EGFLAM: variants seen among roughly 807,000 people sequenced by gnomAD.
The protein encoded by EGFLAM is EGF like, fibronectin type III and laminin G domains, also known as pikachurin.
Under a neutral mutation model 113.1 loss-of-function variants are expected in EGFLAM, and 79 were observed. The observed-to-expected ratio is 0.70, with a 90% CI of 0.58 to 0.84. The LOEUF (loss-of-function observed/expected upper bound fraction) is 0.84, where lower values mean the gene tolerates loss of function less well. Ranked by LOEUF, EGFLAM falls within the 40% of genes least tolerant of loss-of-function variation. The pLI, the probability that EGFLAM is intolerant of heterozygous loss-of-function variation, is 0.00. For missense variants in EGFLAM, 1,265 were observed against 1,291.6 expected (o/e 0.98, Z 0.32); for synonymous variants, 504 against 487.6 (o/e 1.03, Z -0.44).
chr5:38,407,782 G>A (rs1181098375), intron 8 of EGFLAM, 23 bp from the exon 9 acceptor site: 2 of 1,558,212 alleles, frequency 1.3e-6, no homozygotes, highest in Non-Finnish European at 1.8e-6. Flanking sequence ...GCATTCTTTT[G>A]TGTTGTCTTT....
At position 38,418,081 on chromosome 5, in the gene EGFLAM, A is replaced by C. The variant is rs1322896023; in HGVS notation, c.1510A>C (p.Ile504Leu). 1 of 1,613,684 alleles carries C rather than the reference A, an allele frequency of 6.2e-7. No individual in the cohort carries two copies. The highest frequency in any genetic ancestry group is 8.5e-7 in the Non-Finnish European group (1 of 1,179,870). ...TGQSQGQYSKITFRTPLYLGG... is the reference protein window; with the variant it reads ...TGQSQGQYSKLTFRTPLYLGG... ...TTTCTTAAAGGGCCAATACAGTAAA[A>C]TTACTTTCCGGACACCTCTCTATCT... Residue 504 changes from isoleucine to leucine, a missense_variant, in exon 12 of 22, where the codon ATT becomes CTT. Coordinates refer to ENST00000322350, the MANE Select transcript of EGFLAM (RefSeq NM_152403.4).
chr5:38,276,128 C>T (rs975132523), intron 1 of EGFLAM, among the ~76,000 whole-genome samples: 9 of 152,122 alleles, frequency 5.9e-5, no homozygotes, highest in African/African-American at 2.2e-4. Flanking sequence ...AGGAGCAAGT[C>T]ATGTATTATA....
chr5:38,363,098 G>A (rs924040686), intron 5 of EGFLAM, among the ~76,000 whole-genome samples: 2 of 152,108 alleles, frequency 1.3e-5, no homozygotes, highest in African/African-American at 4.8e-5. Flanking sequence ...GAAAGCTGAA[G>A]GTCAAATACT....
intron 6 of EGFLAM, among the ~76,000 whole-genome samples, chr5:38,396,083 T>G (rs1285873275): frequency 6.6e-6 from 1 of 151,858 alleles, no homozygotes; most frequent in Non-Finnish European, 1.5e-5. Flanking sequence ...CTATTCATTC[T>G]TCAACCCATC....
intron 6 of EGFLAM, among the ~76,000 whole-genome samples, chr5:38,385,863 G>C (rs907251316): frequency 2.0e-5 from 3 of 152,196 alleles, no homozygotes; most frequent in African/African-American, 7.2e-5. Flanking sequence ...TGATTTCCTT[G>C]TTGTGCGAAC....
At chr5:38,268,073 C>T (rs185581863) in intron 1 of EGFLAM, among the ~76,000 whole-genome samples, 1 of 152,250 alleles carries the variant, frequency 6.6e-6, no homozygotes, top group East Asian at 1.9e-4. Flanking sequence ...GACTCATTTG[C>T]CTGGCCCCAC....
chr5:38,309,148 C>A (rs1758800982), intron 1 of EGFLAM, among the ~76,000 whole-genome samples: 2 of 152,160 alleles, frequency 1.3e-5, no homozygotes, highest in African/African-American at 4.8e-5. Flanking sequence ...TTTGTGTTGT[C>A]TGTATTCTTG....
Position 38,336,442 on chromosome 5 carries a change from C to T in EGFLAM, c.98-1078C>T, listed in dbSNP as rs532046507. On this transcript the variant is annotated intron_variant, in intron 1 of 21. Coordinates refer to ENST00000322350, the MANE Select transcript of EGFLAM (RefSeq NM_152403.4). ...ACAAAAGATTAGCCGGGCATGGTGGCGAGCTCCTGTAGTCCCAGCTACTCC... is the reference window on the plus strand; with the variant it reads ...ACAAAAGATTAGCCGGGCATGGTGGTGAGCTCCTGTAGTCCCAGCTACTCC... 5.3e-5 allele frequency among the ~76,000 whole-genome samples: 8 copies of T among 152,112 alleles called. No homozygotes were observed. The South Asian group carries it at 8.3e-4, about 16-fold the overall frequency.
At chr5:38,451,811 A>G (rs1281233686) in intron 19 of EGFLAM, among the ~76,000 whole-genome samples, 1 of 151,912 alleles carries the variant, frequency 6.6e-6, no homozygotes, top group Non-Finnish European at 1.5e-5. Flanking sequence ...AGCAACATGG[A>G]GAAACCCCAT....
intron 10 of EGFLAM, among the ~76,000 whole-genome samples, chr5:38,411,279 T>G (rs1357910157): frequency 5.9e-5 from 9 of 151,614 alleles, no homozygotes; most frequent in Non-Finnish European, 1.3e-4. Context: ...AATACAAAAA[T>G]TAGCCGGGTG....
chr5:38,317,132 C>G (rs1463313656), intron 1 of EGFLAM, among the ~76,000 whole-genome samples: 2 of 152,018 alleles, frequency 1.3e-5, no homozygotes, highest in African/African-American at 4.8e-5. Context: ...TTGAACATGT[C>G]AAAAAAATAT....
At chr5:38,442,514 C>T (rs1742580632) in intron 17 of EGFLAM, among the ~76,000 whole-genome samples, 1 of 151,232 alleles carries the variant, frequency 6.6e-6, no homozygotes, top group African/African-American at 2.4e-5. Flanking sequence ...ATTATTGTTA[C>T]ACAAGTAATT....
chr5:38,263,577 C>T (rs1561253811), intron 1 of EGFLAM, among the ~76,000 whole-genome samples: 1 of 152,020 alleles, frequency 6.6e-6, no homozygotes, highest in Non-Finnish European at 1.5e-5. Flanking sequence ...TAAATCTCGG[C>T]TTCTAGTATG....
At chr5:38,330,836 T>G (rs867403121) in intron 1 of EGFLAM, among the ~76,000 whole-genome samples, 7 of 152,210 alleles carry the variant, frequency 4.6e-5, no homozygotes, top group Admixed American at 6.5e-5. Context: ...AAGACTATGT[T>G]AGAATAGGCC....
intron 3 of EGFLAM, among the ~76,000 whole-genome samples, chr5:38,340,846 T>TCCCCCCAAACACACACACACACA (rs1554048538): frequency 2.3e-5 from 1 of 44,174 alleles, no homozygotes; most frequent in Non-Finnish European, 3.9e-5. Context: ...TGTGTGTGTT[T>TCCCCCCAAACACACACACACACA]GGGGGGGTGG....
chr5:38,455,462 TAG>T (rs1743056819), intron 19 of EGFLAM, among the ~76,000 whole-genome samples: 1 of 151,604 alleles, frequency 6.6e-6, no homozygotes, highest in Non-Finnish European at 1.5e-5. Context: ...TTGATACATT[TAG>T]AATATGTAAA....
chr5:38,411,956 T>A (rs1164680574), intron 10 of EGFLAM, among the ~76,000 whole-genome samples: 1 of 152,028 alleles, frequency 6.6e-6, no homozygotes, highest in East Asian at 1.9e-4. Flanking sequence ...CCCACCACCA[T>A]GTGCAGCTAA....
chr5:38,337,121 A>G (rs750136583), intron 1 of EGFLAM, among the ~76,000 whole-genome samples: 5 of 152,252 alleles, frequency 3.3e-5, no homozygotes, highest in African/African-American at 4.8e-5. Context: ...AAACACATCT[A>G]TGTAATGTAT....
intron 5 of EGFLAM, among the ~76,000 whole-genome samples, chr5:38,360,114 C>T (rs1396000680): frequency 1.3e-5 from 2 of 152,216 alleles, no homozygotes; most frequent in African/African-American, 4.8e-5. Flanking sequence ...AGTTTCCTCA[C>T]AGGAAGTGAC....
Sources: gnomAD v4.1 joint callset for allele counts (sites outside exome capture counted in the v4.1 genomes callset) on GRCh38, gnomAD v4.1.1 for gene constraint, MANE v1.5 for transcripts, NCBI Gene and HGNC (gene_info 2026-07-23, HGNC 2026-07-21) for gene names.